BZW2: variants seen among roughly 807,000 people sequenced by gnomAD.
BZW2 encodes basic leucine zipper and W2 domains 2, also known as eIF5-mimic protein 1.
BZW2 carries 23 observed loss-of-function variants against 53.2 expected under a neutral mutation model. That is an observed-to-expected ratio of 0.43 (90% CI 0.31 to 0.61). BZW2 has a LOEUF of 0.61. Among genes scored for constraint, BZW2 ranks in the 20% least tolerant of loss-of-function variants. The pLI is 0.09. For synonymous variants in BZW2, 227 were observed against 186.4 expected (o/e 1.22, Z -1.77); for missense variants, 409 against 503.1 (o/e 0.81, Z 1.79).
chr7:16,671,949 C>T (rs1030877974), intron 2 of BZW2, among the ~76,000 whole-genome samples: 2 of 94,620 alleles, frequency 2.1e-5, no homozygotes, highest in Admixed American at 1.7e-4. Flanking sequence ...AAAAAAAAAT[C>T]GGAACACTAA....
chr7:16,652,842 T>C (rs1782021906), intron 1 of BZW2, among the ~76,000 whole-genome samples: 2 of 152,168 alleles, frequency 1.3e-5, no homozygotes, highest in African/African-American at 4.8e-5. Context: ...TTTTAAAATG[T>C]ATGATTCAGA....
At chr7:16,649,627 T>C (rs1181893867) in intron 1 of BZW2, among the ~76,000 whole-genome samples, 1 of 152,220 alleles carries the variant, frequency 6.6e-6, no homozygotes, top group Non-Finnish European at 1.5e-5. Flanking sequence ...ACTGTTTGTC[T>C]TGACATTTGA....
At position 16,684,995 on chromosome 7, in the gene BZW2, G is replaced by A. The variant is rs148866370; in HGVS notation, c.406-910G>A. Among the ~76,000 whole-genome samples, 805 of 152,268 alleles carry A rather than the reference G, an allele frequency of 5.3e-3. 5 individuals carry two copies. The highest frequency in any genetic ancestry group is 0.018 in the African/African-American group (752 of 41,556). ...CAATGCCAGTGAATTTTGCATTGGC[G>A]CAAAATAATGGAAAATCAGCAAGGC... On this transcript the variant is annotated intron_variant, in intron 5 of 11. Coordinates refer to ENST00000258761, the MANE Select transcript of BZW2 (RefSeq NM_014038.3).
At chr7:16,696,533 G>A (rs2128368345) in intron 8 of BZW2, among the ~76,000 whole-genome samples, 1 of 128,658 alleles carries the variant, frequency 7.8e-6, no homozygotes, top group Admixed American at 8.0e-5. Flanking sequence ...AGGTTTTAAA[G>A]TTTAGGGATG....
intron 1 of BZW2, among the ~76,000 whole-genome samples, chr7:16,650,367 T>C (rs1288109720): frequency 6.6e-6 from 1 of 152,158 alleles, no homozygotes; most frequent in African/African-American, 2.4e-5. Context: ...CTGATGTTCT[T>C]CTGTGCGTCA....
chr7:16,675,762 C>T (rs1246825186), intron 3 of BZW2, among the ~76,000 whole-genome samples: 1 of 152,218 alleles, frequency 6.6e-6, no homozygotes, highest in Admixed American at 6.5e-5. Context: ...TCATTGTTAA[C>T]ATTTTGGTTA....
intron 10 of BZW2, among the ~76,000 whole-genome samples, chr7:16,698,821 C>A (rs1192327609): frequency 6.6e-6 from 1 of 152,048 alleles, no homozygotes; most frequent in African/African-American, 2.4e-5. Flanking sequence ...TTTGGGCCTA[C>A]ATTTATGTAG....
chr7:16,657,108 C>A (rs183329880), intron 1 of BZW2, among the ~76,000 whole-genome samples: 33 of 152,236 alleles, frequency 2.2e-4, no homozygotes, highest in African/African-American at 7.9e-4. Flanking sequence ...GTTATTATTG[C>A]TCGTGACTCT....
chr7:16,703,662 A>G (rs1232576691), intron 10 of BZW2, among the ~76,000 whole-genome samples: 2 of 152,170 alleles, frequency 1.3e-5, no homozygotes, highest in Admixed American at 1.3e-4. Flanking sequence ...ACAACAACCC[A>G]TTAGAACATT....
In BZW2 at chr7:16,681,376, A is replaced by G. The variant is rs753964792; in HGVS notation, c.311A>G (p.Asp104Gly). 1.7e-5 allele frequency: 27 copies of G among 1,613,946 alleles called. No individual in the cohort carries two copies. Among genetic ancestry groups the G allele is most frequent in the Non-Finnish European group, 2.1e-5 (25 of 1,179,960 alleles). The change falls in exon 4 of 12, where the codon GAT becomes GGT. Residue 104 changes from aspartate (D) to glycine (G), a missense_variant. Coordinates refer to ENST00000258761, the MANE Select transcript of BZW2 (RefSeq NM_014038.3). ...TNHCVFSANE[D>G]HETIRNYAQV... ...CACTGTGTGTTTTCAGCAAATGAAG[A>G]TCATGAAACCATCCGAAACTATGCT...
intron 11 of BZW2, among the ~76,000 whole-genome samples, chr7:16,705,190 C>G (rs1482073285): frequency 1.3e-5 from 2 of 151,698 alleles, no homozygotes; most frequent in Non-Finnish European, 2.9e-5. Context: ...AACCCTGTCT[C>G]TATTAAAAAC....
intron 2 of BZW2, among the ~76,000 whole-genome samples, chr7:16,667,876 G>A (rs1430687773): frequency 1.3e-5 from 2 of 151,932 alleles, no homozygotes; most frequent in Non-Finnish European, 2.9e-5. Context: ...CTTACAAATT[G>A]TGCCCCACTA....
intron 10 of BZW2, among the ~76,000 whole-genome samples, chr7:16,703,489 T>A (rs1024453820): frequency 6.6e-6 from 1 of 152,198 alleles, no homozygotes; most frequent in Admixed American, 6.5e-5. Context: ...TTTCTGTCAT[T>A]TTCATAAGTT....
chr7:16,652,172 A>C (rs1369760499), intron 1 of BZW2, among the ~76,000 whole-genome samples: 1 of 152,176 alleles, frequency 6.6e-6, no homozygotes, highest in Non-Finnish European at 1.5e-5. Flanking sequence ...GCCTTATCTG[A>C]AGGTTAGCTT....
intron 7 of BZW2, among the ~76,000 whole-genome samples, chr7:16,692,621 G>A (rs60344682): frequency 0.042 from 6,427 of 151,986 alleles, 381 homozygotes; most frequent in African/African-American, 0.14. Flanking sequence ...AAAATTAGCC[G>A]GGCGTGATGG....
intron 1 of BZW2, among the ~76,000 whole-genome samples, chr7:16,658,287 A>G (rs929341049): frequency 2.0e-5 from 3 of 152,220 alleles, no homozygotes; most frequent in African/African-American, 7.2e-5. Context: ...TTTTGAAAAT[A>G]GCTTCACTGA....
chr7:16,686,332 A>G (rs538593806), intron 6 of BZW2: 1 of 304,654 alleles, frequency 3.3e-6, no homozygotes, highest in East Asian at 7.3e-5. Context: ...AATACCCCGA[A>G]ATCGATCTGG....
rs185766572 is a variant in BZW2 at position 16,684,793 on chromosome 7, T to A, written c.406-1112T>A. Among the ~76,000 whole-genome samples the A allele has an allele frequency of 3.5e-3, 533 of 152,336 alleles. 5 individuals carry two copies. The highest frequency in any genetic ancestry group is 0.012 in the African/African-American group (502 of 41,584). On this transcript the variant is annotated intron_variant, in intron 5 of 11. Transcript: ENST00000258761. ...TAATTTGTTGAGAATTTAATAGGTATAAATTGAGAGGCAAATGGACTGGTT... is the reference window on the plus strand; with the variant it reads ...TAATTTGTTGAGAATTTAATAGGTAAAAATTGAGAGGCAAATGGACTGGTT...
chr7:16,665,029 A>T (rs925141094), intron 1 of BZW2, among the ~76,000 whole-genome samples: 5 of 152,194 alleles, frequency 3.3e-5, no homozygotes, highest in African/African-American at 1.2e-4. Flanking sequence ...AAGTGTATTT[A>T]TGCCGGGCGC....
Sources: gnomAD v4.1 joint callset for allele counts (sites outside exome capture counted in the v4.1 genomes callset) on GRCh38, gnomAD v4.1.1 for gene constraint, MANE v1.5 for transcripts, NCBI Gene and HGNC (gene_info 2026-07-23, HGNC 2026-07-21) for gene names.